SGPP2: variants seen among roughly 807,000 people sequenced by gnomAD.
The protein encoded by SGPP2 is sphingosine 1-phosphate phosphohydrolase 2.
In SGPP2, 30 loss-of-function variants were observed where a neutral mutation model predicts 33.9. That is an observed-to-expected ratio of 0.89 (90% CI 0.66 to 1.20). The LOEUF (loss-of-function observed/expected upper bound fraction) is 1.20. Ranked by LOEUF, SGPP2 falls within the 50% of genes most tolerant of loss-of-function variation. The probability of loss-of-function intolerance (pLI) is 0.00; values close to 1 mark genes in which losing one functional copy is unlikely to be tolerated. For missense variants in SGPP2, 458 were observed against 532.1 expected, an observed-to-expected ratio of 0.86 and a Z score of 1.37; for synonymous variants, 233 against 225.0, an observed-to-expected ratio of 1.04 and a Z score of -0.32.
intron 1 of SGPP2, among the ~76,000 whole-genome samples, chr2:222,469,290 T>G (rs1697802754): frequency 6.6e-6 from 1 of 152,186 alleles, no homozygotes; most frequent in Non-Finnish European, 1.5e-5. Context: ...GTTTAAGCAA[T>G]TCTCTGCCTC....
At position 222,521,827 on chromosome 2, in the gene SGPP2, C is replaced by T; in HGVS notation, c.439C>T (p.Pro147Ser). 1.2e-6 allele frequency: 2 copies of T among 1,611,036 alleles called. No homozygotes were observed. Among genetic ancestry groups the T allele is most frequent in the Non-Finnish European group, 1.7e-6 (2 of 1,178,992 alleles). ...DVLKWPRPSS[P>S]PVVKLEKRLI... ...CTTGAAGTGGCCCCGTCCCTCCTCC[C>T]CTCCAGTTGTAAAACTGGAAAAGAG... Residue 147 changes from proline (P) to serine (S), a missense_variant, in exon 3 of 5, where the codon CCT becomes TCT. By Grantham distance (74) the Pro-to-Ser change is moderately conservative. Coordinates refer to ENST00000321276, the MANE Select transcript of SGPP2 (RefSeq NM_152386.4).
At chr2:222,438,941 C>T (rs1045602397) in intron 1 of SGPP2, among the ~76,000 whole-genome samples, 5 of 152,232 alleles carry the variant, frequency 3.3e-5, no homozygotes, top group Admixed American at 6.5e-5. Flanking sequence ...TGGGGGGGTT[C>T]TGCCGGCTGC....
chr2:222,525,087 G>A, intron 4 of SGPP2, 54 bp downstream of exon 4: 1 of 1,323,902 alleles, frequency 7.6e-7, no homozygotes, highest in South Asian at 1.3e-5. Context: ...ATTGTGGTCA[G>A]TGTGTCAATA....
intron 2 of SGPP2, among the ~76,000 whole-genome samples, chr2:222,505,934 CA>C (rs35318533): frequency 0.47 from 44,356 of 95,044 alleles, 7,214 homozygotes; most frequent in Admixed American, 0.55. Flanking sequence ...AACTCTGTCT[CA>C]AAAAAAAAAA....
intron 1 of SGPP2, among the ~76,000 whole-genome samples, chr2:222,429,960 T>G (rs1008576676): frequency 1.3e-5 from 2 of 152,226 alleles, no homozygotes; most frequent in Non-Finnish European, 2.9e-5. Flanking sequence ...TTTGCTTTCT[T>G]CATTTCCAGT....
intron 2 of SGPP2, among the ~76,000 whole-genome samples, chr2:222,478,543 C>T (rs1004981835): frequency 6.6e-6 from 1 of 152,148 alleles, no homozygotes; most frequent in African/African-American, 2.4e-5. Flanking sequence ...GTGGCTGCTT[C>T]TTCAAAGGGG....
intron 1 of SGPP2, among the ~76,000 whole-genome samples, chr2:222,434,065 C>T (rs4674650): frequency 0.77 from 116,669 of 152,076 alleles, 44,905 homozygotes; most frequent in Middle Eastern, 0.9. Flanking sequence ...GCATTTTATC[C>T]AGCAGGAGAT....
At chr2:222,519,102 A>T (rs1009445100) in intron 2 of SGPP2, among the ~76,000 whole-genome samples, 2 of 152,232 alleles carry the variant, frequency 1.3e-5, no homozygotes, top group Non-Finnish European at 2.9e-5. Context: ...AGGTAATGCC[A>T]TCCATCACGA....
rs2106098400 is a variant in SGPP2 at position 222,476,977 on chromosome 2, T to C, written c.378+2251T>C. ...TATGTATAGTGTGTATATGTGTATATATAGGTGTGTGTATATTTTGTGTAT... is the reference window on the plus strand; with the variant it reads ...TATGTATAGTGTGTATATGTGTATACATAGGTGTGTGTATATTTTGTGTAT... On this transcript the variant is annotated intron_variant, in intron 2 of 4. Transcript: ENST00000321276. The surrounding 1 kb of genome is among the most constrained non-coding windows in gnomAD (Gnocchi z 4.3). 6.6e-6 allele frequency among the ~76,000 whole-genome samples: 1 copy of C among 151,988 alleles called. No homozygotes were observed. The highest frequency in any genetic ancestry group is 2.1e-4 in the South Asian group (1 of 4,818).
intron 4 of SGPP2, among the ~76,000 whole-genome samples, chr2:222,534,181 A>G (rs1698880531): frequency 6.6e-6 from 1 of 152,224 alleles, no homozygotes; most frequent in African/African-American, 2.4e-5. Flanking sequence ...CAAACCAAGA[A>G]GGCTCATCAT....
intron 2 of SGPP2, among the ~76,000 whole-genome samples, chr2:222,482,571 G>A (rs1354640240): frequency 6.6e-6 from 1 of 151,620 alleles, no homozygotes; most frequent in South Asian, 2.1e-4. Context: ...TTAGTTGGGG[G>A]TCTCACTATG....
At chr2:222,427,135 A>T (rs1348444631) in intron 1 of SGPP2, among the ~76,000 whole-genome samples, 1 of 152,238 alleles carries the variant, frequency 6.6e-6, no homozygotes, top group Non-Finnish European at 1.5e-5. Flanking sequence ...CCAGAGGATG[A>T]TAAACTCTAA....
chr2:222,450,173 A>T (rs1488661932), intron 1 of SGPP2, among the ~76,000 whole-genome samples: 1 of 152,120 alleles, frequency 6.6e-6, no homozygotes, highest in African/African-American at 2.4e-5. Context: ...CGAAGAAAGC[A>T]CTCACTAACT....
intron 2 of SGPP2, among the ~76,000 whole-genome samples, chr2:222,510,114 G>A (rs1023387248): frequency 1.1e-4 from 16 of 152,158 alleles, no homozygotes; most frequent in African/African-American, 3.9e-4. Context: ...CTGCCTATCA[G>A]TCGATGGACA....
chr2:222,466,387 T>A (rs1697746368), intron 1 of SGPP2, among the ~76,000 whole-genome samples: 1 of 151,408 alleles, frequency 6.6e-6, no homozygotes, highest in Admixed American at 6.6e-5. Flanking sequence ...GCCTCCCAAG[T>A]AGCTGGGACT....
intron 1 of SGPP2, among the ~76,000 whole-genome samples, chr2:222,434,987 C>T (rs369588840): frequency 0.55 from 80,130 of 146,822 alleles, 22,150 homozygotes; most frequent in South Asian, 0.62. Flanking sequence ...CACACACACA[C>T]ACACACACAC....
intron 1 of SGPP2, among the ~76,000 whole-genome samples, chr2:222,433,667 G>C (rs1444411169): frequency 2.0e-5 from 3 of 149,514 alleles, no homozygotes; most frequent in Non-Finnish European, 4.4e-5. Context: ...ACTTGGCCTG[G>C]CTGTGTCTTC....
chr2:222,429,962 A>C (rs1472418677), intron 1 of SGPP2, among the ~76,000 whole-genome samples: 6 of 152,198 alleles, frequency 3.9e-5, no homozygotes, highest in African/African-American at 7.2e-5. Context: ...TGCTTTCTTC[A>C]TTTCCAGTCA....
intron 4 of SGPP2, among the ~76,000 whole-genome samples, chr2:222,553,351 T>C (rs1239076522): frequency 6.6e-6 from 1 of 152,200 alleles, no homozygotes; most frequent in Non-Finnish European, 1.5e-5. Context: ...TTAGGCATAT[T>C]TGGGAAAAGC....
Sources: gnomAD v4.1 joint callset for allele counts (sites outside exome capture counted in the v4.1 genomes callset) on GRCh38, gnomAD v4.1.1 for gene constraint, Gnocchi (gnomAD v3.1) non-coding constraint, MANE v1.5 for transcripts, NCBI Gene and HGNC (gene_info 2026-07-23, HGNC 2026-07-21) for gene names.